ERP29: variants seen among roughly 807,000 people sequenced by gnomAD.
ERP29 encodes the protein endoplasmic reticulum protein 29.
A neutral mutation model predicts 21.7 loss-of-function variants in ERP29; 14 were observed. That is an observed-to-expected ratio of 0.64 (90% CI 0.43 to 1.01). ERP29 has a LOEUF of 1.01. Among genes scored for constraint, ERP29 ranks in the 50% least tolerant of loss-of-function variants. ERP29 has a pLI of 0.00. For synonymous variants in ERP29, 129 were observed against 139.1 expected (o/e 0.93, Z 0.51); for missense variants, 286 against 327.3 (o/e 0.87, Z 0.97).
intron 2 of ERP29, among the ~76,000 whole-genome samples, 161 bp from the exon 3 acceptor site, chr12:112,021,989 A>G (rs778571295): frequency 4.6e-5 from 7 of 152,238 alleles, no homozygotes; most frequent in Non-Finnish European, 1.0e-4. Context: ...AGGAAGTGGC[A>G]GAGGAGGAAT....
Position 112,013,474 on chromosome 12 carries a change from C to T in ERP29, c.9C>T (p.Ala3=), listed in dbSNP as rs145874174. The T allele has an allele frequency of 6.8e-6, 11 of 1,611,638 alleles. No individual in the cohort carries two copies. Among genetic ancestry groups the T allele is most frequent in the African/African-American group, 6.7e-5 (5 of 74,868 alleles). The part of the protein sequence containing the change: MA[A]AVPRAAFLSP... ...TGCAGGAACCCGGCGATATGGCTGC[C>T]GCTGTGCCCCGCGCCGCATTTCTCT... The change falls in exon 1 of 3, where the codon GCC becomes GCT. Residue 3 remains alanine, a synonymous_variant. Transcript: ENST00000261735.
intron 1 of ERP29, chr12:112,015,048 G>C (rs1691131036): frequency 6.6e-6 from 1 of 152,040 alleles, no homozygotes; most frequent in South Asian, 2.1e-4. Flanking sequence ...GCTGGGCGTG[G>C]TGGTGGACAC....
chr12:112,023,146 AT>A lies in ERP29; in HGVS notation c.*496del, dbSNP rs1268432916. 1 of 153,704 alleles carries A rather than the reference AT, an allele frequency of 6.5e-6. No homozygotes were observed. Among genetic ancestry groups the A allele is most frequent in the Non-Finnish European group, 1.4e-5 (1 of 69,078 alleles). 9.5% of individuals were successfully genotyped at this position (153,704 alleles called of 1,614,324 possible). ...CATACCTTTGTTATTTTCCAGTGAT[AT>A]TCAGACTGACATGGATTGACTGTCA... On this transcript the variant is annotated 3_prime_UTR_variant, in exon 3 of 3. Transcript: ENST00000261735.
chr12:112,013,549 T>C lies in ERP29; in HGVS notation c.84T>C (p.His28=), dbSNP rs769972091. 1.2e-6 allele frequency: 2 copies of C among 1,612,620 alleles called. No individual in the cohort carries two copies. The highest frequency in any genetic ancestry group is 1.7e-6 in the Non-Finnish European group (2 of 1,179,418). The change falls in exon 1 of 3, where the codon CAT becomes CAC. Residue 28 remains histidine (H), a synonymous_variant. Transcript: ENST00000261735. ...GCTTCCTGCTCCTCTCCGCTCCGCA[T>C]GGCGGCAGCGGCCTGCACACCAAGG... The part of the protein sequence containing the change: ...LLGFLLLSAP[H]GGSGLHTKGA...
intron 1 of ERP29, among the ~76,000 whole-genome samples, chr12:112,017,783 C>CTTTTTTTTTT (rs1179680378): frequency 4.8e-5 from 6 of 124,134 alleles, no homozygotes; most frequent in Admixed American, 8.3e-5. Flanking sequence ...CTTTTTTTTT[C>CTTTTTTTTTT]TTTTTTTTTT....
At chr12:112,016,139 A>G (rs1353499625) in intron 1 of ERP29, among the ~76,000 whole-genome samples, 2 of 152,150 alleles carry the variant, frequency 1.3e-5, no homozygotes, top group African/African-American at 2.4e-5. Context: ...CTCCTTGTCT[A>G]TTTTGTTCCT....
At chr12:112,017,765 C>T (rs1458525937) in intron 1 of ERP29, among the ~76,000 whole-genome samples, 1 of 148,086 alleles carries the variant, frequency 6.8e-6, no homozygotes, top group Non-Finnish European at 1.5e-5. Flanking sequence ...CTAACAAGAA[C>T]ATTGTATCTT....
chr12:112,019,345 T>A (rs1435959128), intron 1 of ERP29: 2 of 267,496 alleles, frequency 7.5e-6, no homozygotes, highest in Admixed American at 9.8e-5. Context: ...CCTTTGTAGG[T>A]AGGTTTGTTT....
At chr12:112,020,948 G>A (rs1004521871) in intron 2 of ERP29, among the ~76,000 whole-genome samples, 1 of 152,156 alleles carries the variant, frequency 6.6e-6, no homozygotes, top group African/African-American at 2.4e-5. Flanking sequence ...TGGAACCCTA[G>A]GCATCCAGTA....
At position 112,019,851 on chromosome 12, in the gene ERP29, G is replaced by A. The variant is rs776479479; in HGVS notation, c.240G>A (p.Ser80=). 21 of 1,613,946 alleles carry A rather than the reference G, an allele frequency of 1.3e-5. No individual in the cohort carries two copies. Among genetic ancestry groups the A allele is most frequent in the African/African-American group, 2.7e-5 (2 of 74,880 alleles). The change falls in exon 2 of 3, where the codon TCG becomes TCA. Residue 80 remains serine (S), a synonymous_variant. Coordinates refer to ENST00000261735, the MANE Select transcript of ERP29 (RefSeq NM_006817.4). ...AGTTCAAGCGTCTTGCTGAAAACTCGGCTTCCAGCGATGATCTCTTGGTGG... is the reference window on the plus strand; with the variant it reads ...AGTTCAAGCGTCTTGCTGAAAACTCAGCTTCCAGCGATGATCTCTTGGTGG... ...QDEFKRLAEN[S]ASSDDLLVAE... is the part of the protein sequence containing the mutation.
At chr12:112,016,744 A>C (rs756706309) in intron 1 of ERP29, among the ~76,000 whole-genome samples, 1 of 152,180 alleles carries the variant, frequency 6.6e-6, no homozygotes, top group Non-Finnish European at 1.5e-5. Flanking sequence ...CAAAAAAATT[A>C]GCCGGACGTG....
chr12:112,022,719 G>T lies in ERP29; in HGVS notation c.*67G>T. ...AGGGGAGAGTTAACCTGCTGGCTGT[G>T]AGTCCCTTGTGGAATATAAGGGGGT... On this transcript the variant is annotated 3_prime_UTR_variant, in exon 3 of 3. Transcript: ENST00000261735. The T allele has an allele frequency of 6.7e-7, 1 of 1,500,770 alleles. No homozygotes were observed. The allele number at this position is 1,500,770 out of a possible 1,614,324, so 93.0% of individuals were successfully genotyped here.
chr12:112,021,279 T>TGCA (rs2078043537), intron 2 of ERP29, among the ~76,000 whole-genome samples: 1 of 152,180 alleles, frequency 6.6e-6, no homozygotes, highest in South Asian at 2.1e-4. Context: ...CTTTTGCACT[T>TGCA]GCAGTCCTTT....
In ERP29 at chr12:112,023,199, C is replaced by T. The variant is rs534845455; in HGVS notation, c.*547C>T. On this transcript the variant is annotated 3_prime_UTR_variant, in exon 3 of 3. Transcript: ENST00000261735. ...TGGTAAAGTTTGTCTATTTTCCAGT[C>T]CTTAAAACTCAATAGCAGTATTGAT... 1.3e-5 allele frequency: 2 copies of T among 152,694 alleles called. No homozygotes were observed. Among genetic ancestry groups the T allele is most frequent in the South Asian group, 4.1e-4 (2 of 4,850 alleles). The allele number at this position is 152,694 out of a possible 1,614,324, so 9.5% of individuals were successfully genotyped here. A position where few individuals can be genotyped will look rare whatever the true frequency, so the allele number is the denominator to read the frequency against.
intron 1 of ERP29, chr12:112,019,302 T>G: frequency 4.2e-6 from 1 of 236,244 alleles, no homozygotes; most frequent in Admixed American, 5.2e-5. Flanking sequence ...AACTCTGGCC[T>G]ATCTAGCCAA....
chr12:112,017,534 T>G (rs1352360746), intron 1 of ERP29, among the ~76,000 whole-genome samples: 1 of 152,128 alleles, frequency 6.6e-6, no homozygotes, highest in African/African-American at 2.4e-5. Flanking sequence ...TGAGTGGGAA[T>G]AAGTTTCATG....
Position 112,022,136 on chromosome 12 carries a change from G to A in ERP29, c.284-14G>A, listed in dbSNP as rs750499396. Reference sequence around the variant, plus strand: ...CTTATGGTCTTGCTTTTTGTGTCTGGTTTCTGCTCACAGATTATGGTGACA... The same window carrying A: ...CTTATGGTCTTGCTTTTTGTGTCTGATTTCTGCTCACAGATTATGGTGACA... On this transcript the variant is annotated splice_polypyrimidine_tract_variant and intron_variant, in intron 2 of 2. Coordinates refer to ENST00000261735, the MANE Select transcript of ERP29 (RefSeq NM_006817.4). 1 of 1,612,994 alleles carries A rather than the reference G, an allele frequency of 6.2e-7. No individual in the cohort carries two copies. Among genetic ancestry groups the A allele is most frequent in the Non-Finnish European group, 8.5e-7 (1 of 1,179,636 alleles).
Position 112,023,010 on chromosome 12 carries a change from C to G in ERP29, c.*358C>G, listed in dbSNP as rs1049907. 1 of 192,868 alleles carries G rather than the reference C, an allele frequency of 5.2e-6. No homozygotes were observed. The highest frequency in any genetic ancestry group is 1.1e-5 in the Non-Finnish European group (1 of 94,414). The allele number at this position is 192,868 out of a possible 1,614,324, so 11.9% of individuals were successfully genotyped here. ...AGTGGACCTGAAGCCATTCTTTTTTCTTTTCAAATTATACTTTCGTCTATG... is the reference window on the plus strand; with the variant it reads ...AGTGGACCTGAAGCCATTCTTTTTTGTTTTCAAATTATACTTTCGTCTATG... On this transcript the variant is annotated 3_prime_UTR_variant, in exon 3 of 3. Transcript: ENST00000261735.
Position 112,015,665 on chromosome 12 carries a change from G to A in ERP29, c.144+2056G>A, listed in dbSNP as rs774006766. Among the ~76,000 whole-genome samples the A allele has an allele frequency of 5.9e-5, 9 of 152,036 alleles. No individual in the cohort carries two copies. The South Asian group carries it at 6.2e-4, about 11-fold the overall frequency. On this transcript the variant is annotated intron_variant, in intron 1 of 2. Transcript: ENST00000261735. ...AGTGTGACCCAAAGGGAAACTTTGCGCCATAAAGCTAACAGTGTTTTCTAC... is the reference window on the plus strand; with the variant it reads ...AGTGTGACCCAAAGGGAAACTTTGCACCATAAAGCTAACAGTGTTTTCTAC...
Sources: allele counts gnomAD v4.1 joint callset (sites outside exome capture counted in the v4.1 genomes callset), GRCh38; gene constraint gnomAD v4.1.1; transcripts MANE v1.5; gene names NCBI Gene and HGNC (gene_info 2026-07-23, HGNC 2026-07-21).